Variants in XRN1 observed in about 807,000 individuals in gnomAD.
XRN1 encodes the protein strand-exchange protein 1 homolog.
A neutral mutation model predicts 222.3 loss-of-function variants in XRN1; 67 were observed. That is an observed-to-expected ratio of 0.30 (90% CI 0.25 to 0.37). The LOEUF (loss-of-function observed/expected upper bound fraction) is 0.37, where lower values mean the gene tolerates loss of function less well. Among genes scored for constraint, XRN1 ranks in the 10% least tolerant of loss-of-function variants. The pLI, the probability that XRN1 is intolerant of heterozygous loss-of-function variation, is 1.00. For missense variants in XRN1, 1,707 were observed against 2,000.2 expected (o/e 0.85, Z 2.80); for synonymous variants, 643 against 652.4 (o/e 0.99, Z 0.22).
intron 30 of XRN1, among the ~76,000 whole-genome samples, chr3:142,358,523 G>A (rs773985753): frequency 1.4e-4 from 21 of 152,138 alleles, no homozygotes; most frequent in Non-Finnish European, 2.4e-4. Flanking sequence ...TTACAGAAAT[G>A]AATACACTGC....
At chr3:142,320,406 C>T (rs1464455853) in intron 37 of XRN1, among the ~76,000 whole-genome samples, 1 of 152,110 alleles carries the variant, frequency 6.6e-6, no homozygotes, top group Non-Finnish European at 1.5e-5. Context: ...ATGACCTTTG[C>T]CTGTTTTTAA....
chr3:142,424,945 A>G (rs2069187291), intron 5 of XRN1, among the ~76,000 whole-genome samples: 1 of 152,138 alleles, frequency 6.6e-6, no homozygotes, highest in Admixed American at 6.6e-5. Context: ...GCCTGAGGGT[A>G]AAAAAGCAGC....
chr3:142,376,224 C>T (rs758891624), intron 24 of XRN1: 1 of 610,360 alleles, frequency 1.6e-6, no homozygotes, highest in African/African-American at 1.9e-5. Flanking sequence ...AAATATACTA[C>T]TGAGGTTCAC....
chr3:142,443,996 A>G (rs1431839630), intron 1 of XRN1, among the ~76,000 whole-genome samples: 2 of 152,264 alleles, frequency 1.3e-5, no homozygotes, highest in Admixed American at 6.5e-5. Context: ...CAAACATTGC[A>G]TGTTCTCACT....
Position 142,405,524 on chromosome 3 carries a change from T to A in XRN1, c.1714-448A>T, listed in dbSNP as rs184202762. ...TCAATGATTTAAAATATCTTTTTTT[T>A]AAAAAAAGAATAAGATACCAGTGTT... On this transcript the variant is annotated intron_variant, in intron 15 of 40. Transcript: ENST00000392981. Among the ~76,000 whole-genome samples, 441 of 152,170 alleles carry A rather than the reference T, an allele frequency of 2.9e-3. 4 individuals are homozygous for A. The highest frequency in any genetic ancestry group is 3.4e-3 in the African/African-American group (143 of 41,552).
intron 1 of XRN1, among the ~76,000 whole-genome samples, chr3:142,434,451 G>A (rs1333329099): frequency 1.3e-5 from 2 of 151,696 alleles, no homozygotes; most frequent in African/African-American, 4.8e-5. Context: ...ATTACTACAG[G>A]TGTGAGCCAC....
chr3:142,358,057 CA>C (rs991742824), intron 30 of XRN1, among the ~76,000 whole-genome samples: 4 of 151,784 alleles, frequency 2.6e-5, no homozygotes, highest in Non-Finnish European at 5.9e-5. Flanking sequence ...AATACAACAA[CA>C]AAAACAAAAA....
intron 33 of XRN1, 73 bp downstream of exon 33, chr3:142,347,161 A>T: frequency 1.9e-6 from 2 of 1,060,002 alleles, no homozygotes; most frequent in Non-Finnish European, 2.8e-6. Context: ...TATGTAAATT[A>T]TATCAATAAA....
chr3:142,403,588 A>C, intron 18 of XRN1, 86 bp downstream of exon 18: 3 of 1,260,266 alleles, frequency 2.4e-6, no homozygotes, highest in Non-Finnish European at 3.4e-6. Flanking sequence ...GTTACAACAT[A>C]TAATACCTCC....
At chr3:142,351,498 C>T (rs954394570) in intron 32 of XRN1, among the ~76,000 whole-genome samples, 5 of 152,084 alleles carry the variant, frequency 3.3e-5, no homozygotes, top group African/African-American at 2.4e-5. Context: ...AATGAAAGAC[C>T]GATTAGGGTG....
At chr3:142,443,059 T>C (rs890346493) in intron 1 of XRN1, among the ~76,000 whole-genome samples, 14 of 152,192 alleles carry the variant, frequency 9.2e-5, no homozygotes, top group African/African-American at 3.4e-4. Flanking sequence ...AACCTCCTTG[T>C]TAAGTTTGTC....
intron 1 of XRN1, among the ~76,000 whole-genome samples, chr3:142,438,841 G>C (rs184020895): frequency 2.0e-5 from 3 of 152,010 alleles, no homozygotes; most frequent in Non-Finnish European, 4.4e-5. Context: ...GAGACAACTC[G>C]CAATTATGTA....
At chr3:142,362,570 T>C (rs2107852309) in intron 29 of XRN1, among the ~76,000 whole-genome samples, 1 of 149,242 alleles carries the variant, frequency 6.7e-6, no homozygotes, top group South Asian at 2.2e-4. Flanking sequence ...CCCGGCCTTT[T>C]TTTCTTCGTC....
Position 142,359,927 on chromosome 3 carries a change from AT to A in XRN1, c.3398del (p.Asn1133IlefsTer20). 6.3e-7 allele frequency: 1 copy of A among 1,595,740 alleles called. No homozygotes were observed. Among genetic ancestry groups the A allele is most frequent in the Non-Finnish European group, 8.5e-7 (1 of 1,170,892 alleles). The part of the protein sequence containing the change: ...RGTIIGIKGA[N>X]READVLFEVL... ...CTTCAAATAGTACATCGGCTTCTCT[AT>A]TAGCTGTTACAATAGGGAGAGAAAA... On this transcript the variant is annotated frameshift_variant, in exon 30 of 41. Transcript: ENST00000392981. LOFTEE classifies it high-confidence loss of function.
chr3:142,320,972 T>A (rs1336791456), intron 37 of XRN1, among the ~76,000 whole-genome samples: 4 of 152,128 alleles, frequency 2.6e-5, no homozygotes, highest in African/African-American at 9.7e-5. Context: ...TTAGGCCTTA[T>A]CTTACATTTA....
In XRN1 at chr3:142,318,806, A is replaced by G. The variant is rs1453643566; in HGVS notation, c.4502T>C (p.Phe1501Ser). 1.2e-6 allele frequency: 2 copies of G among 1,613,884 alleles called. No individual in the cohort carries two copies. The highest frequency in any genetic ancestry group is 1.1e-5 in the South Asian group (1 of 91,078). ...AGTTCTTACCAACTGTTGTAAAGCA[A>G]AAAGTGCAGCTTTCTCTTTGGCTTC... Reference protein sequence around the residue: ...ENEAKEKAALFALQQLGSLGM... With the variant: ...ENEAKEKAALSALQQLGSLGM... The change falls in exon 38 of 41, where the codon TTT becomes TCT. Residue 1501 changes from phenylalanine to serine, a missense_variant. By Grantham distance (155) the Phe-to-Ser change is radical. Around this residue, in one of 2 missense-constraint regions of XRN1, gnomAD observed 473 missense variants for 482.0 expected, o/e 0.98. Transcript: ENST00000392981.
Position 142,429,338 on chromosome 3 carries a change from C to CG in XRN1, c.309-2498dup, listed in dbSNP as rs1577426971. ...ATTGTTTTTGTATTTTTAGTAGAGA[C>CG]GGGGTTTCACCACCTTGGCTAGGCT... On this transcript the variant is annotated intron_variant, in intron 2 of 40. Coordinates refer to ENST00000392981, the MANE Select transcript of XRN1 (RefSeq NM_001282857.2). 2.6e-5 allele frequency among the ~76,000 whole-genome samples: 4 copies of CG among 151,634 alleles called. No individual in the cohort carries two copies. The East Asian group carries it at 7.8e-4, about 29-fold the overall frequency.
At position 142,421,024 on chromosome 3, in the gene XRN1, T is replaced by G. The variant is rs749715662; in HGVS notation, c.1165A>C (p.Lys389Gln). Residue 389 changes from lysine (K) to glutamine (Q), a missense_variant, in exon 10 of 41, where the codon AAG (lysine) becomes CAG (glutamine). Physicochemically the swap from Lys to Gln is moderately conservative, Grantham distance 53 (BLOSUM62 1). Coordinates refer to ENST00000392981, the MANE Select transcript of XRN1 (RefSeq NM_001282857.2). The part of the protein sequence containing the change: ...EEARNYKEKK[K>Q]LKGQENSLCW... The stretch of plus-strand genomic sequence containing the variant: ...CCTAAAAAAATAGACACCTTTAACT[T>G]TTTCTTTTCCTTGTAGTTCCTGGCT... 1 of 1,613,984 alleles carries G rather than the reference T, an allele frequency of 6.2e-7. No homozygotes were observed. Among genetic ancestry groups the G allele is most frequent in the South Asian group, 1.1e-5 (1 of 91,064 alleles).
At chr3:142,346,485 CT>C (rs1252729302) in intron 33 of XRN1, among the ~76,000 whole-genome samples, 135 of 142,942 alleles carry the variant, frequency 9.4e-4, no homozygotes, top group Middle Eastern at 3.6e-3. Flanking sequence ...CAATCATCCT[CT>C]TTTTTTTTTT....
Sources: allele counts gnomAD v4.1 joint callset (sites outside exome capture counted in the v4.1 genomes callset), GRCh38; gene constraint gnomAD v4.1.1; regional missense constraint gnomAD v4.1.1; transcripts MANE v1.5; gene names NCBI Gene and HGNC (gene_info 2026-07-23, HGNC 2026-07-21).